Variants in TUSC3 observed in about 807,000 individuals in gnomAD.
TUSC3 encodes tumor suppressor candidate 3, also known as dolichyl-diphosphooligosaccharide--protein glycosyltransferase subunit TUSC3.
In TUSC3, 45 loss-of-function variants were observed where a neutral mutation model predicts 44.8. The ratio of observed to expected loss-of-function variants is 1.00; its 90% CI spans 0.79 to 1.29. The LOEUF is 1.29. Ranked by LOEUF, TUSC3 falls within the 50% of genes most tolerant of loss-of-function variation. The pLI is 0.00. For synonymous variants in TUSC3, 212 were observed against 152.9 expected (o/e 1.39, Z -2.85); for missense variants, 519 against 437.9 (o/e 1.19, Z -1.65).
chr8:15,806,310 T>C, the TUSC3 span: 1 of 701,714 alleles, frequency 1.4e-6, no homozygotes, highest in Admixed American at 1.8e-5. Context: ...ATGGACTAAG[T>C]CAGGGACACC....
the TUSC3 span, among the ~76,000 whole-genome samples, chr8:15,783,346 C>T: frequency 1.3e-5 from 2 of 152,266 alleles, no homozygotes; most frequent in East Asian, 1.9e-4. Context: ...ATTCCAGTGT[C>T]ATTTTTCACA....
At chr8:15,510,024 A>C (rs77367915) in intron 2 of TUSC3, among the ~76,000 whole-genome samples, 1 of 152,076 alleles carries the variant, frequency 6.6e-6, no homozygotes, top group Non-Finnish European at 1.5e-5. Flanking sequence ...AAAAAGAAAA[A>C]TAGCGAGCCA....
chr8:15,487,602 C>G (rs79001983), intron 2 of TUSC3, among the ~76,000 whole-genome samples: 7,408 of 152,218 alleles, frequency 0.049, 233 homozygotes, highest in South Asian at 0.11. Flanking sequence ...CAAGATAACA[C>G]CAGGTCTGTT....
chr8:15,738,227 TA>T, intron 7 of TUSC3, among the ~76,000 whole-genome samples: 1 of 152,346 alleles, frequency 6.6e-6, no homozygotes, highest in East Asian at 1.9e-4. Context: ...AGGTTGTATA[TA>T]ACCTATGTCT....
the TUSC3 span, among the ~76,000 whole-genome samples, chr8:15,830,609 C>A: frequency 1.3e-5 from 2 of 152,110 alleles, no homozygotes; most frequent in African/African-American, 4.8e-5. Flanking sequence ...TCTTATGTAG[C>A]AACACAGGTA....
the TUSC3 span, among the ~76,000 whole-genome samples, chr8:15,816,446 C>A: frequency 1.3e-5 from 2 of 152,036 alleles, no homozygotes; most frequent in South Asian, 2.1e-4. Context: ...AAACTCTTGA[C>A]AATACATTAA....
chr8:15,470,913 A>T (rs1472564209), intron 1 of TUSC3, among the ~76,000 whole-genome samples: 1 of 152,114 alleles, frequency 6.6e-6, no homozygotes, highest in Non-Finnish European at 1.5e-5. Flanking sequence ...AGCTGAGGGG[A>T]CAGGCTGCAG....
intron 3 of TUSC3, among the ~76,000 whole-genome samples, chr8:15,654,436 C>G (rs111870195): frequency 1.8e-4 from 28 of 152,142 alleles, no homozygotes; most frequent in African/African-American, 6.5e-4. Context: ...AGGGCCATAT[C>G]ACACTTATTA....
At chr8:15,726,848 C>T (rs762866171) in intron 6 of TUSC3, among the ~76,000 whole-genome samples, 3 of 151,388 alleles carry the variant, frequency 2.0e-5, no homozygotes, top group Non-Finnish European at 4.4e-5. Flanking sequence ...ATGGATTAGA[C>T]AACTAAAAAA....
At chr8:15,426,266 T>C (rs1338758168) in intron 1 of TUSC3, among the ~76,000 whole-genome samples, 1 of 152,198 alleles carries the variant, frequency 6.6e-6, no homozygotes, top group East Asian at 1.9e-4. Flanking sequence ...ACACCTAACA[T>C]AAAATCTACC....
intron 1 of TUSC3, among the ~76,000 whole-genome samples, chr8:15,583,146 C>G (rs934235335): frequency 1.3e-5 from 2 of 152,206 alleles, no homozygotes; most frequent in South Asian, 2.1e-4. Flanking sequence ...CTGTTCTAAA[C>G]AAATCTAATG....
intron 3 of TUSC3, among the ~76,000 whole-genome samples, chr8:15,652,906 T>C (rs1806979106): frequency 6.6e-6 from 1 of 152,206 alleles, no homozygotes; most frequent in African/African-American, 2.4e-5. Context: ...ATCTTTGTTA[T>C]GCTGTTTTTG....
At position 15,659,489 on chromosome 8, in the gene TUSC3, T is replaced by C. The variant is rs749033433; in HGVS notation, c.427-18T>C. On this transcript the variant is annotated intron_variant, in intron 3 of 10. Coordinates refer to ENST00000503731, the MANE Select transcript of TUSC3 (RefSeq NM_006765.4). Reference sequence around the variant, plus strand: ...TAAGATGATCCTATATTTAGTATTTTTTTCTCATGTTTTACAGCTCAACAT... The same window carrying C: ...TAAGATGATCCTATATTTAGTATTTCTTTCTCATGTTTTACAGCTCAACAT... 3 of 1,609,712 alleles carry C rather than the reference T, an allele frequency of 1.9e-6. No individual in the cohort carries two copies. The Admixed American group carries it at 5.0e-5, about 27-fold the overall frequency.
intron 6 of TUSC3, chr8:15,689,149 T>G (rs1175676311): frequency 2.5e-6 from 1 of 407,184 alleles, no homozygotes; most frequent in Non-Finnish European, 4.9e-6. Context: ...TTTATCGCTT[T>G]TTCTTTCCAC....
At chr8:15,739,201 T>A (rs1223577858) in intron 7 of TUSC3, among the ~76,000 whole-genome samples, 1 of 152,188 alleles carries the variant, frequency 6.6e-6, no homozygotes, top group East Asian at 1.9e-4. Context: ...CAAAAATATC[T>A]CATATGTTAT....
intron 1 of TUSC3, among the ~76,000 whole-genome samples, chr8:15,594,480 T>C (rs1049103367): frequency 7.2e-5 from 11 of 152,180 alleles, no homozygotes; most frequent in Non-Finnish European, 1.0e-4. Context: ...TGTTGGATAC[T>C]GGATAATTTT....
intron 1 of TUSC3, among the ~76,000 whole-genome samples, chr8:15,598,587 G>GTGTCTCACCTAT (rs139397792): frequency 4.0e-5 from 6 of 151,200 alleles, no homozygotes; most frequent in Non-Finnish European, 5.9e-5. Context: ...CCTAAAACTC[G>GTGTCTCACCTAT]TCATACTTCC....
intron 1 of TUSC3, among the ~76,000 whole-genome samples, chr8:15,436,062 C>G (rs866089589): frequency 2.0e-5 from 3 of 152,096 alleles, no homozygotes; most frequent in African/African-American, 7.2e-5. Flanking sequence ...TTTTCAAGAT[C>G]GCTCATTCAC....
Position 15,586,118 on chromosome 8 carries a change from T to G in TUSC3, c.139-36962T>G, listed in dbSNP as rs189192152. ...AATGATTAACAGTGCTAAATAATTA[T>G]GTTCATATAAGGTCAAGTCAGAGAA... On this transcript the variant is annotated intron_variant, in intron 1 of 10. Transcript: ENST00000503731. Among the ~76,000 whole-genome samples the G allele has an allele frequency of 2.6e-5, 4 of 152,208 alleles. No individual in the cohort carries two copies. In the East Asian group the frequency reaches 7.8e-4, roughly 29 times the overall value.
Sources: gnomAD v4.1 joint callset for allele counts (sites outside exome capture counted in the v4.1 genomes callset) on GRCh38, gnomAD v4.1.1 for gene constraint, MANE v1.5 for transcripts, NCBI Gene and HGNC (gene_info 2026-07-23, HGNC 2026-07-21) for gene names.